Variants in SLC12A1 observed in about 807,000 individuals in gnomAD.
SLC12A1 encodes Na-K-2Cl cotransporter.
SLC12A1 carries 89 observed loss-of-function variants against 130.4 expected under a neutral mutation model. That is an observed-to-expected ratio of 0.68 (90% CI 0.58 to 0.81). The LOEUF (loss-of-function observed/expected upper bound fraction) is 0.81, where lower values mean the gene tolerates loss of function less well. SLC12A1 is among the 40% of genes least tolerant of loss of function. The pLI is 0.00. For missense variants in SLC12A1, 1,310 were observed against 1,336.4 expected, an observed-to-expected ratio of 0.98 and a Z score of 0.31; for synonymous variants, 499 against 460.0, an observed-to-expected ratio of 1.08 and a Z score of -1.09.
At chr15:48,249,459 C>A in intron 13 of SLC12A1, 116 bp from the exon 14 acceptor site, 4 of 796,608 alleles carry the variant, frequency 5.0e-6, no homozygotes, top group Non-Finnish European at 8.6e-6. Context: ...TAAACTTTGA[C>A]AGATGCTCGC....
chr15:48,302,627 A>AAAAAAAAAG, intron 26 of SLC12A1, 123 bp from the exon 27 acceptor site: 1 of 218,358 alleles, frequency 4.6e-6, no homozygotes, highest in Non-Finnish European at 6.2e-6. Flanking sequence ...ACTCCGTCTC[A>AAAAAAAAAG]AAAAAAAAAA....
At chr15:48,299,945 A>T (rs2042215088) in intron 25 of SLC12A1, among the ~76,000 whole-genome samples, 1 of 152,178 alleles carries the variant, frequency 6.6e-6, no homozygotes, top group Non-Finnish European at 1.5e-5. Flanking sequence ...GAACTTCTAA[A>T]CTACAAAATC....
At chr15:48,285,767 G>A (rs765995085) in intron 21 of SLC12A1, among the ~76,000 whole-genome samples, 1 of 152,344 alleles carries the variant, frequency 6.6e-6, no homozygotes, top group Admixed American at 6.5e-5. Flanking sequence ...TCATCTAAAT[G>A]CTACACTTAT....
intron 15 of SLC12A1, among the ~76,000 whole-genome samples, chr15:48,252,547 T>A (rs749018924): frequency 6.6e-6 from 1 of 151,858 alleles, no homozygotes; most frequent in African/African-American, 2.4e-5. Flanking sequence ...ACTATGAGAG[T>A]AATATGAGCA....
chr15:48,239,774 C>T (rs897441292), intron 9 of SLC12A1, among the ~76,000 whole-genome samples: 29 of 151,286 alleles, frequency 1.9e-4, no homozygotes, highest in African/African-American at 6.5e-4. Context: ...CCTCAGTCTC[C>T]CGAGCAGCTG....
At chr15:48,251,534 C>T (rs938087802) in intron 14 of SLC12A1, 81 bp from the exon 15 acceptor site, 7 of 1,091,992 alleles carry the variant, frequency 6.4e-6, no homozygotes, top group Non-Finnish European at 5.6e-6. Flanking sequence ...AGGAAAAAGG[C>T]ATGTTACCTG....
At chr15:48,278,115 A>G (rs1232271774) in intron 20 of SLC12A1, among the ~76,000 whole-genome samples, 1 of 152,226 alleles carries the variant, frequency 6.6e-6, no homozygotes, top group Non-Finnish European at 1.5e-5. Flanking sequence ...TCCTAGTAGA[A>G]CTTAATACTT....
chr15:48,289,517 T>C (rs553758662), intron 23 of SLC12A1, among the ~76,000 whole-genome samples: 2 of 151,112 alleles, frequency 1.3e-5, no homozygotes, highest in African/African-American at 2.4e-5. Flanking sequence ...CACTGCTACA[T>C]TGTTACATTC....
intron 22 of SLC12A1, 90 bp from the exon 23 acceptor site, chr15:48,288,315 T>C: frequency 9.3e-7 from 1 of 1,073,054 alleles, no homozygotes; most frequent in South Asian, 1.5e-5. Context: ...AATTAAGAGC[T>C]ATCAATGTGG....
At chr15:48,260,328 CCTCT>C (rs148763702) in intron 17 of SLC12A1, among the ~76,000 whole-genome samples, 1,779 of 114,154 alleles carry the variant, frequency 0.016, 54 homozygotes, top group East Asian at 0.12. Flanking sequence ...ACTTGTATTC[CCTCT>C]CTCTCTCTCT....
chr15:48,250,280 T>C (rs997778939), intron 14 of SLC12A1, among the ~76,000 whole-genome samples: 1 of 152,238 alleles, frequency 6.6e-6, no homozygotes, highest in African/African-American at 2.4e-5. Flanking sequence ...AATAGAGAGT[T>C]GTCATTATCT....
At chr15:48,297,825 G>C (rs559225860) in intron 24 of SLC12A1, among the ~76,000 whole-genome samples, 1 of 152,262 alleles carries the variant, frequency 6.6e-6, no homozygotes, top group South Asian at 2.1e-4. Flanking sequence ...GCAAGAGCTG[G>C]AGCGAGAACC....
intron 20 of SLC12A1, among the ~76,000 whole-genome samples, chr15:48,275,292 C>T (rs1336919122): frequency 1.3e-5 from 2 of 152,164 alleles, no homozygotes; most frequent in Non-Finnish European, 1.5e-5. Context: ...CTGAGCTTCA[C>T]GACAGAGTCC....
intron 2 of SLC12A1, among the ~76,000 whole-genome samples, chr15:48,212,809 A>G (rs749443203): frequency 9.8e-5 from 15 of 152,366 alleles, no homozygotes; most frequent in Non-Finnish European, 1.3e-4. Flanking sequence ...CTAACTCTAT[A>G]GAAACTAATC....
Sources: allele counts gnomAD v4.1 joint callset (sites outside exome capture counted in the v4.1 genomes callset), GRCh38; gene constraint gnomAD v4.1.1; transcripts MANE v1.5; gene names NCBI Gene and HGNC (gene_info 2026-07-23, HGNC 2026-07-21).